Variants in KIRREL1 observed in about 807,000 individuals in gnomAD.
The protein encoded by KIRREL1 is kin of IRRE-like protein 1.
KIRREL1 carries 25 observed loss-of-function variants against 83.3 expected under a neutral mutation model. The ratio of observed to expected loss-of-function variants is 0.30; its 90% CI spans 0.22 to 0.42. KIRREL1 has a LOEUF of 0.42. KIRREL1 is among the 10% of genes least tolerant of loss of function. The pLI, the probability that KIRREL1 is intolerant of heterozygous loss-of-function variation, is 1.00. For missense variants in KIRREL1, 812 were observed against 1,032.3 expected, an observed-to-expected ratio of 0.79 and a Z score of 2.92; for synonymous variants, 388 against 410.4, an observed-to-expected ratio of 0.95 and a Z score of 0.66.
intron 1 of KIRREL1, among the ~76,000 whole-genome samples, chr1:157,998,258 G>T: frequency 6.6e-6 from 1 of 152,170 alleles, no homozygotes; most frequent in Non-Finnish European, 1.5e-5. Flanking sequence ...TCCTTTGCCA[G>T]ATCCTACATG....
intron 1 of KIRREL1, among the ~76,000 whole-genome samples, chr1:158,018,362 T>C (rs927701): frequency 0.95 from 144,870 of 152,158 alleles, 69,346 homozygotes; most frequent in Non-Finnish European, 1. Context: ...GGGGAAGGGC[T>C]GTGGGAACTG....
chr1:158,016,551 C>T (rs1659831215), intron 1 of KIRREL1, among the ~76,000 whole-genome samples: 1 of 152,022 alleles, frequency 6.6e-6, no homozygotes, highest in Non-Finnish European at 1.5e-5. Flanking sequence ...TTCTTTTTAA[C>T]TTTGGGATGC....
At chr1:158,023,671 C>T (rs7550826) in intron 1 of KIRREL1, among the ~76,000 whole-genome samples, 4,147 of 152,140 alleles carry the variant, frequency 0.027, 197 homozygotes, top group African/African-American at 0.094. Flanking sequence ...CTGGGTGCAC[C>T]GGGAAAATCA....
intron 3 of KIRREL1, among the ~76,000 whole-genome samples, chr1:158,084,202 G>GA (rs767800740): frequency 6.6e-6 from 1 of 152,110 alleles, no homozygotes; most frequent in Non-Finnish European, 1.5e-5. Context: ...GGCCAGGAAA[G>GA]AAAAGCAGAC....
chr1:158,034,269 C>CAAAAAAA (rs750353894), intron 1 of KIRREL1, among the ~76,000 whole-genome samples: 2 of 113,670 alleles, frequency 1.8e-5, no homozygotes, highest in African/African-American at 3.6e-5. Flanking sequence ...GACTCCGTCT[C>CAAAAAAA]AAAAAAAAAA....
chr1:158,049,427 G>T (rs1660857113), intron 1 of KIRREL1, among the ~76,000 whole-genome samples: 1 of 152,180 alleles, frequency 6.6e-6, no homozygotes, highest in Admixed American at 6.5e-5. Flanking sequence ...CTGAGGGGGT[G>T]CACCCGCACT....
At chr1:158,047,541 G>A (rs1448469633) in intron 1 of KIRREL1, among the ~76,000 whole-genome samples, 1 of 152,138 alleles carries the variant, frequency 6.6e-6, no homozygotes, top group African/African-American at 2.4e-5. Context: ...GGATGGCTAG[G>A]CCATGTAGAT....
At chr1:158,081,761 A>G (rs2101631501) in intron 3 of KIRREL1, among the ~76,000 whole-genome samples, 1 of 152,318 alleles carries the variant, frequency 6.6e-6, no homozygotes, top group Non-Finnish European at 1.5e-5. Context: ...GGATGGGCAG[A>G]GAGTTTGGAA....
intron 1 of KIRREL1, among the ~76,000 whole-genome samples, chr1:158,017,936 G>T (rs1362012069): frequency 6.6e-6 from 1 of 151,872 alleles, no homozygotes; most frequent in Non-Finnish European, 1.5e-5. Context: ...CTTCATCAGG[G>T]TCAAAAACCT....
chr1:158,075,591 G>A (rs931221980), intron 1 of KIRREL1, among the ~76,000 whole-genome samples: 4 of 152,324 alleles, frequency 2.6e-5, no homozygotes, highest in Admixed American at 2.6e-4. Context: ...AATTGTACCT[G>A]GCATAGTTGC....
In KIRREL1 at chr1:158,094,472, A is replaced by T; in HGVS notation, c.1797+82A>T. The T allele has an allele frequency of 2.8e-6, 4 of 1,432,592 alleles. No individual in the cohort carries two copies. The highest frequency in any genetic ancestry group is 3.9e-6 in the Non-Finnish European group (4 of 1,020,430). The allele number at this position is 1,432,592 out of a possible 1,614,324, so 88.7% of individuals were successfully genotyped here. ...GGTCCTGTAGCGGGGAGGTGAGGTG[A>T]GGACAGACTTGGGGAGGAGTGGTTG... On this transcript the variant is annotated intron_variant, in intron 14 of 14. Transcript: ENST00000359209. The surrounding 1 kb of genome is among the most constrained non-coding windows in gnomAD (Gnocchi z 4.6).
chr1:158,001,068 A>G (rs1393670057), intron 1 of KIRREL1, among the ~76,000 whole-genome samples: 1 of 152,224 alleles, frequency 6.6e-6, no homozygotes, highest in African/African-American at 2.4e-5. Flanking sequence ...TATCCCAGGA[A>G]GCTGTCCCAT....
Position 158,075,169 on chromosome 1 carries a change from C to T in KIRREL1, c.53-944C>T, listed in dbSNP as rs543377360. Among the ~76,000 whole-genome samples, 112 of 152,104 alleles carry T rather than the reference C, an allele frequency of 7.4e-4. 1 individual carries two copies. Among genetic ancestry groups the T allele is most frequent in the Non-Finnish European group, 1.4e-3 (96 of 67,996 alleles). ...GGGGCCGACCAGTGCTGGTTGGAGC[C>T]AGTGGGTGGGAGTGGTGGGGGAGAA... On this transcript the variant is annotated intron_variant, in intron 1 of 14. Coordinates refer to ENST00000359209, the MANE Select transcript of KIRREL1 (RefSeq NM_018240.7).
At chr1:158,040,796 G>A (rs1451921919) in intron 1 of KIRREL1, among the ~76,000 whole-genome samples, 2 of 152,180 alleles carry the variant, frequency 1.3e-5, no homozygotes, top group Admixed American at 6.5e-5. Flanking sequence ...GTGGTTGGTG[G>A]GGGGCTGAAG....
chr1:158,077,045 G>A (rs1363052313), intron 2 of KIRREL1, among the ~76,000 whole-genome samples: 2 of 152,212 alleles, frequency 1.3e-5, no homozygotes, highest in Admixed American at 1.3e-4. Context: ...GTGCATTTGT[G>A]AGTTTTGAGC....
At chr1:158,002,171 GA>G (rs1416549104) in intron 1 of KIRREL1, among the ~76,000 whole-genome samples, 1 of 152,200 alleles carries the variant, frequency 6.6e-6, no homozygotes, top group Non-Finnish European at 1.5e-5. Context: ...TTTCCTCTGA[GA>G]ATACTTCAGT....
At chr1:158,088,491 TTTTTTTTTTTTG>T in intron 8 of KIRREL1, 37 bp downstream of exon 8, 1 of 1,523,902 alleles carries the variant, frequency 6.6e-7, no homozygotes, top group African/African-American at 1.5e-5. Context: ...TTTTTTTTTT[TTTTTTTTTTTTG>T]AGACGGAGTC....
At chr1:158,015,581 A>T (rs182976437) in intron 1 of KIRREL1, among the ~76,000 whole-genome samples, 2 of 152,348 alleles carry the variant, frequency 1.3e-5, no homozygotes, top group Admixed American at 6.5e-5. Context: ...TGTCCAGGAC[A>T]TGGTTCAACA....
intron 8 of KIRREL1, 113 bp from the exon 9 acceptor site, chr1:158,089,389 A>C: frequency 2.6e-6 from 4 of 1,535,444 alleles, no homozygotes; most frequent in East Asian, 2.3e-5. Flanking sequence ...CCCTTCTGGG[A>C]ATTCACTTGT....
Sources: allele counts gnomAD v4.1 joint callset (sites outside exome capture counted in the v4.1 genomes callset), GRCh38; gene constraint gnomAD v4.1.1; non-coding constraint Gnocchi (gnomAD v3.1); transcripts MANE v1.5; gene names NCBI Gene and HGNC (gene_info 2026-07-23, HGNC 2026-07-21).